Variants in INSYN2B observed in about 807,000 individuals in gnomAD.
INSYN2B encodes the protein inhibitory synaptic factor family member 2B.
Under a neutral mutation model 41.2 loss-of-function variants are expected in INSYN2B, and 16 were observed. That is an observed-to-expected ratio of 0.39 (90% CI 0.26 to 0.59). The LOEUF (loss-of-function observed/expected upper bound fraction) is 0.59, where lower values mean the gene tolerates loss of function less well. Ranked by LOEUF, INSYN2B falls within the 20% of genes least tolerant of loss-of-function variation. The probability of loss-of-function intolerance (pLI) is 0.57; values close to 1 mark genes in which losing one functional copy is unlikely to be tolerated. For synonymous variants in INSYN2B, 245 were observed against 244.4 expected (o/e 1.00, Z -0.02); for missense variants, 608 against 646.4 (o/e 0.94, Z 0.64).
intron 1 of INSYN2B, among the ~76,000 whole-genome samples, chr5:169,905,317 C>A (rs1470502003): frequency 6.7e-6 from 1 of 149,088 alleles, no homozygotes; most frequent in Non-Finnish European, 1.5e-5. Context: ...TCAGGAGAAG[C>A]CAGAACTCTG....
chr5:169,949,059 A>T (rs568735226), intron 1 of INSYN2B, among the ~76,000 whole-genome samples: 8 of 152,336 alleles, frequency 5.3e-5, no homozygotes, highest in Admixed American at 1.3e-4. Context: ...GATATGAAGG[A>T]TGATTATTAA....
At chr5:169,946,230 T>C (rs1440547089) in intron 1 of INSYN2B, among the ~76,000 whole-genome samples, 3 of 152,176 alleles carry the variant, frequency 2.0e-5, no homozygotes, top group African/African-American at 7.2e-5. Context: ...TGTAGGATTA[T>C]TCTGGACTGC....
Position 169,862,777 on chromosome 5 carries a change from G to C in INSYN2B, c.*1496C>G, listed in dbSNP as rs1012239830. The stretch of plus-strand genomic sequence containing the variant: ...CACTGCATCACTATGACAGGGGAAG[G>C]TGAAACCATCGGAGTGGTTTGCTCA... On this transcript the variant is annotated 3_prime_UTR_variant, in exon 4 of 4. Coordinates refer to ENST00000377365, the MANE Select transcript of INSYN2B (RefSeq NM_001129891.3). 1.3e-5 allele frequency among the ~76,000 whole-genome samples: 2 copies of C among 152,184 alleles called. No individual in the cohort carries two copies. The highest frequency in any genetic ancestry group is 2.9e-5 in the Non-Finnish European group (2 of 68,030).
At chr5:169,913,713 C>G (rs1382332340) in intron 1 of INSYN2B, among the ~76,000 whole-genome samples, 3 of 100,614 alleles carry the variant, frequency 3.0e-5, no homozygotes, top group Non-Finnish European at 5.6e-5. Flanking sequence ...ACCACGCCCT[C>G]TGCCTGGACA....
chr5:169,910,529 C>A (rs1439504780), intron 1 of INSYN2B, among the ~76,000 whole-genome samples: 1 of 151,658 alleles, frequency 6.6e-6, no homozygotes, highest in Non-Finnish European at 1.5e-5. Context: ...ACATGACTGA[C>A]CTGTTTTCAG....
At chr5:169,947,929 C>T (rs996963757) in intron 1 of INSYN2B, among the ~76,000 whole-genome samples, 5 of 152,136 alleles carry the variant, frequency 3.3e-5, no homozygotes, top group Admixed American at 6.5e-5. Flanking sequence ...CGTGCAGTGC[C>T]GCTGCGTTCT....
At chr5:169,937,193 A>C (rs1272529969) in intron 1 of INSYN2B, among the ~76,000 whole-genome samples, 2 of 152,216 alleles carry the variant, frequency 1.3e-5, no homozygotes, top group Non-Finnish European at 2.9e-5. Flanking sequence ...TCAAACCACC[A>C]TCAAAAATTT....
At position 169,921,658 on chromosome 5, in the gene INSYN2B, C is replaced by T. The variant is rs1442830612; in HGVS notation, c.-918-36842G>A. 3.9e-5 allele frequency among the ~76,000 whole-genome samples: 6 copies of T among 152,298 alleles called. No homozygotes were observed. In the East Asian group the frequency reaches 1.2e-3, roughly 29 times the overall value. ...GTTTCACCTCATCAAAGAGCCCTTA[C>T]AGAGCTGTGGAGAGGAGCACTTGGG... On this transcript the variant is annotated intron_variant, in intron 1 of 3. Coordinates refer to ENST00000377365, the MANE Select transcript of INSYN2B (RefSeq NM_001129891.3).
intron 1 of INSYN2B, among the ~76,000 whole-genome samples, chr5:169,972,563 AG>A (rs1777547350): frequency 1.7e-5 from 1 of 59,022 alleles, no homozygotes; most frequent in African/African-American, 7.1e-5. Context: ...ATAGATAGAT[AG>A]ATAGATAGAT....
intron 1 of INSYN2B, among the ~76,000 whole-genome samples, chr5:169,954,965 G>A (rs776219667): frequency 6.6e-6 from 1 of 152,198 alleles, no homozygotes; most frequent in Non-Finnish European, 1.5e-5. Context: ...GGAATCAATC[G>A]CAGACTGTGC....
chr5:169,929,971 CTTTA>C (rs1409292079), intron 1 of INSYN2B, among the ~76,000 whole-genome samples: 23 of 152,012 alleles, frequency 1.5e-4, no homozygotes, highest in African/African-American at 4.3e-4. Flanking sequence ...AAGAATAGAA[CTTTA>C]TTTGTTTATT....
intron 1 of INSYN2B, among the ~76,000 whole-genome samples, chr5:169,935,993 CAT>C (rs1384758684): frequency 6.6e-6 from 1 of 152,130 alleles, no homozygotes; most frequent in Non-Finnish European, 1.5e-5. Context: ...AGGAAGTTAA[CAT>C]AAATTTTTTC....
intron 1 of INSYN2B, among the ~76,000 whole-genome samples, chr5:169,895,019 G>A (rs528174115): frequency 8.5e-5 from 13 of 152,140 alleles, no homozygotes; most frequent in African/African-American, 9.6e-5. Context: ...TCCTCCTCTC[G>A]TGCAGGAATC....
At chr5:169,944,394 G>A (rs1333668884) in intron 1 of INSYN2B, among the ~76,000 whole-genome samples, 2 of 152,212 alleles carry the variant, frequency 1.3e-5, no homozygotes, top group Non-Finnish European at 2.9e-5. Flanking sequence ...AAAATAGAAC[G>A]TGGCAGCCGT....
intron 1 of INSYN2B, among the ~76,000 whole-genome samples, chr5:169,945,311 C>T (rs1047297516): frequency 3.3e-5 from 5 of 152,324 alleles, no homozygotes; most frequent in African/African-American, 1.2e-4. Flanking sequence ...TGGTAGTTCT[C>T]TTCTCTCCTC....
intron 1 of INSYN2B, among the ~76,000 whole-genome samples, chr5:169,912,605 G>A (rs1303940296): frequency 7.1e-6 from 1 of 140,262 alleles, no homozygotes; most frequent in Non-Finnish European, 1.5e-5. Flanking sequence ...ATGTGCCACT[G>A]TGTGTGGTGG....
chr5:169,961,396 C>G lies in INSYN2B; in HGVS notation c.-919+18881G>C, dbSNP rs115129536. ...TGCCTTGCATCAGGGGAATGTATTA[C>G]CTTTGCCTGCTAATCAACTCTAACA... On this transcript the variant is annotated intron_variant, in intron 1 of 3. Coordinates refer to ENST00000377365, the MANE Select transcript of INSYN2B (RefSeq NM_001129891.3). 3.7e-3 allele frequency among the ~76,000 whole-genome samples: 557 copies of G among 152,330 alleles called. 9 individuals carry two copies. Among genetic ancestry groups the G allele is most frequent in the South Asian group, 0.03 (143 of 4,828 alleles).
chr5:169,885,108 G>A (rs1772897667), intron 1 of INSYN2B, among the ~76,000 whole-genome samples: 1 of 152,156 alleles, frequency 6.6e-6, no homozygotes, highest in Non-Finnish European at 1.5e-5. Context: ...CCTTTACAAT[G>A]TCTCCCTCTT....
At chr5:169,902,451 G>T (rs76102396) in intron 1 of INSYN2B, among the ~76,000 whole-genome samples, 1,774 of 152,302 alleles carry the variant, frequency 0.012, 25 homozygotes, top group Middle Eastern at 0.044. Context: ...TGCTCCAGGG[G>T]TCATGCTCTT....
Sources: allele counts gnomAD v4.1 joint callset (sites outside exome capture counted in the v4.1 genomes callset), GRCh38; gene constraint gnomAD v4.1.1; transcripts MANE v1.5; gene names NCBI Gene and HGNC (gene_info 2026-07-23, HGNC 2026-07-21).